Variants in GALNTL6 observed in about 807,000 individuals in gnomAD.
GALNTL6 encodes the protein polypeptide N-acetylgalactosaminyltransferase-like 6.
A neutral mutation model predicts 73.7 loss-of-function variants in GALNTL6; 46 were observed. That is an observed-to-expected ratio of 0.62 (90% CI 0.49 to 0.80). The LOEUF (loss-of-function observed/expected upper bound fraction) is 0.80, where lower values mean the gene tolerates loss of function less well. Among genes scored for constraint, GALNTL6 ranks in the 30% least tolerant of loss-of-function variants. The pLI is 0.00. For missense variants in GALNTL6, 604 were observed against 755.0 expected (o/e 0.80, Z 2.34); for synonymous variants, 259 against 263.7 (o/e 0.98, Z 0.17).
chr4:172,641,581 G>GT (rs2111123309), intron 5 of GALNTL6, among the ~76,000 whole-genome samples: 1 of 152,108 alleles, frequency 6.6e-6, no homozygotes, highest in South Asian at 2.1e-4. Context: ...TCAAGACTTG[G>GT]TTTAAATCTG....
At chr4:172,862,945 GC>G (rs1477929607) in intron 7 of GALNTL6, among the ~76,000 whole-genome samples, 1 of 152,232 alleles carries the variant, frequency 6.6e-6, no homozygotes, top group Non-Finnish European at 1.5e-5. Flanking sequence ...GGGACTTGGT[GC>G]CCTGCATCCC....
intron 3 of GALNTL6, among the ~76,000 whole-genome samples, chr4:172,231,059 T>C (rs1348331043): frequency 6.6e-6 from 1 of 152,092 alleles, no homozygotes; most frequent in Non-Finnish European, 1.5e-5. Context: ...ATGTTCCCTG[T>C]TTTCAGAGCG....
At chr4:172,799,261 C>T (rs1055989146) in intron 5 of GALNTL6, among the ~76,000 whole-genome samples, 5 of 152,198 alleles carry the variant, frequency 3.3e-5, no homozygotes, top group Non-Finnish European at 7.3e-5. Flanking sequence ...TCTATAGTCA[C>T]ATAGATTTAG....
At chr4:171,849,632 C>T (rs1735465942) in intron 2 of GALNTL6, among the ~76,000 whole-genome samples, 1 of 152,018 alleles carries the variant, frequency 6.6e-6, no homozygotes, top group African/African-American at 2.4e-5. Context: ...GGTAAATTTA[C>T]ATTGAGAAAT....
In GALNTL6 at chr4:172,906,858, T is replaced by C. The variant is rs147524915; in HGVS notation, c.1041+23951T>C. 2.9e-3 allele frequency among the ~76,000 whole-genome samples: 439 copies of C among 152,352 alleles called. 3 individuals are homozygous for C. The highest frequency in any genetic ancestry group is 1.0e-2 in the African/African-American group (415 of 41,584). The stretch of plus-strand genomic sequence containing the variant: ...CCTTGAGGAAAGGCCAAGTCCCATT[T>C]TAAGACTCACTTGTTAGGTCAGACC... On this transcript the variant is annotated intron_variant, in intron 8 of 12. Transcript: ENST00000506823.
chr4:172,688,795 T>C (rs1733086730), intron 5 of GALNTL6, among the ~76,000 whole-genome samples: 1 of 152,116 alleles, frequency 6.6e-6, no homozygotes. Context: ...TTATGGAGAG[T>C]ACCCATGATT....
chr4:171,981,411 G>A (rs914346605), intron 2 of GALNTL6, among the ~76,000 whole-genome samples: 7 of 152,202 alleles, frequency 4.6e-5, no homozygotes, highest in African/African-American at 1.7e-4. Flanking sequence ...GTGAAGATAA[G>A]CTGTCAGTTT....
intron 2 of GALNTL6, among the ~76,000 whole-genome samples, chr4:172,070,611 C>A (rs1731513110): frequency 9.2e-6 from 1 of 108,986 alleles, no homozygotes; most frequent in African/African-American, 3.5e-5. Flanking sequence ...AGGCCTTCAC[C>A]AGATGCCAAC....
chr4:172,387,689 G>T (rs1244187533), intron 5 of GALNTL6, among the ~76,000 whole-genome samples: 1 of 152,018 alleles, frequency 6.6e-6, no homozygotes, highest in African/African-American at 2.4e-5. Context: ...TCAAATTTGG[G>T]ATATATTGGT....
intron 2 of GALNTL6, among the ~76,000 whole-genome samples, chr4:171,888,096 T>C (rs989376775): frequency 1.3e-5 from 2 of 152,136 alleles, no homozygotes; most frequent in Non-Finnish European, 2.9e-5. Flanking sequence ...GCAATACTTA[T>C]TGCAGATTGT....
intron 5 of GALNTL6, among the ~76,000 whole-genome samples, chr4:172,600,306 T>G (rs1738009450): frequency 6.6e-6 from 1 of 152,048 alleles, no homozygotes; most frequent in African/African-American, 2.4e-5. Flanking sequence ...CTAAGCAGCA[T>G]AGAGCTGTGA....
chr4:172,489,609 G>A (rs337985), intron 5 of GALNTL6, among the ~76,000 whole-genome samples: 1 of 152,044 alleles, frequency 6.6e-6, no homozygotes, highest in Non-Finnish European at 1.5e-5. Flanking sequence ...CTGTTAATTT[G>A]TATGTTTTCT....
At chr4:172,368,104 G>C (rs1742636958) in intron 5 of GALNTL6, among the ~76,000 whole-genome samples, 1 of 152,176 alleles carries the variant, frequency 6.6e-6, no homozygotes, top group African/African-American at 2.4e-5. Flanking sequence ...ATATTGGCCA[G>C]GCGCAGTGGC....
At chr4:171,831,349 G>T (rs952356866) in intron 2 of GALNTL6, among the ~76,000 whole-genome samples, 1 of 151,962 alleles carries the variant, frequency 6.6e-6, no homozygotes, top group Non-Finnish European at 1.5e-5. Flanking sequence ...CATATTAAAT[G>T]CAGTGTCTTG....
chr4:171,939,093 G>GAAA (rs11393589), intron 2 of GALNTL6, among the ~76,000 whole-genome samples: 2 of 149,128 alleles, frequency 1.3e-5, no homozygotes, highest in East Asian at 2.0e-4. Context: ...ATTTAAAATG[G>GAAA]AAAAAAAAAA....
intron 10 of GALNTL6, among the ~76,000 whole-genome samples, chr4:172,965,475 C>T (rs914615127): frequency 7.9e-5 from 12 of 151,840 alleles, no homozygotes; most frequent in African/African-American, 2.9e-4. Context: ...CCCAGCTACT[C>T]GGGAGGCTGA....
At chr4:172,827,181 A>G (rs935398021) in intron 7 of GALNTL6, among the ~76,000 whole-genome samples, 2 of 152,188 alleles carry the variant, frequency 1.3e-5, no homozygotes, top group African/African-American at 4.8e-5. Flanking sequence ...GCTAAGGACT[A>G]GTCCAAGAGG....
intron 7 of GALNTL6, among the ~76,000 whole-genome samples, chr4:172,829,239 A>G (rs1319183221): frequency 6.6e-6 from 1 of 152,244 alleles, no homozygotes. Context: ...GTTCAGATCC[A>G]CAAGGATGTC....
intron 5 of GALNTL6, among the ~76,000 whole-genome samples, chr4:172,548,155 T>C (rs887821125): frequency 1.6e-5 from 2 of 124,696 alleles, no homozygotes; most frequent in Non-Finnish European, 3.4e-5. Context: ...TTTTAGGTTT[T>C]AATATGTCGA....
Sources: gnomAD v4.1 joint callset for allele counts (sites outside exome capture counted in the v4.1 genomes callset) on GRCh38, gnomAD v4.1.1 for gene constraint, MANE v1.5 for transcripts, NCBI Gene and HGNC (gene_info 2026-07-23, HGNC 2026-07-21) for gene names.